The following TBC1D1 variants were observed in gnomAD, a reference collection of about 807,000 sequenced individuals.
TBC1D1 encodes TBC1 domain family member 1.
A neutral mutation model predicts 125.6 loss-of-function variants in TBC1D1; 89 were observed. That is an observed-to-expected ratio of 0.71 (90% confidence interval 0.60 to 0.85). The LOEUF (loss-of-function observed/expected upper bound fraction) is 0.85, where lower values mean the gene tolerates loss of function less well. Ranked by LOEUF, TBC1D1 falls within the 40% of genes least tolerant of loss-of-function variation. TBC1D1 has a pLI of 0.00. For missense variants in TBC1D1, 1,377 were observed against 1,469.2 expected (o/e 0.94, Z 1.03); for synonymous variants, 565 against 564.1 (o/e 1.00, Z -0.02).
chr4:37,921,473 C>G (rs1172672701), intron 2 of TBC1D1, among the ~76,000 whole-genome samples: 1 of 150,956 alleles, frequency 6.6e-6, no homozygotes, highest in Non-Finnish European at 1.5e-5. Context: ...GTGGCGTGAT[C>G]TCGGCTCACT....
intron 11 of TBC1D1, among the ~76,000 whole-genome samples, 153 bp downstream of exon 11, chr4:38,050,051 C>T (rs546333168): frequency 3.5e-4 from 53 of 152,260 alleles, no homozygotes; most frequent in Admixed American, 2.0e-3. Flanking sequence ...CATGTTCGTT[C>T]GAGCTGCTTG....
intron 2 of TBC1D1, among the ~76,000 whole-genome samples, chr4:37,969,885 C>T (rs1477627674): frequency 6.6e-6 from 1 of 152,182 alleles, no homozygotes; most frequent in Non-Finnish European, 1.5e-5. Flanking sequence ...ACCCTGCACC[C>T]ATTAGCAGTC....
chr4:38,020,813 T>A (rs1284035098), intron 5 of TBC1D1, 118 bp downstream of exon 5: 9 of 777,948 alleles, frequency 1.2e-5, no homozygotes, highest in African/African-American at 1.7e-5. Flanking sequence ...TATTTGTCTT[T>A]AGTTATTTAC....
rs1351933256 is a variant in TBC1D1, at chr4:37,902,209, C to T, written c.114C>T (p.Pro38=). 2 of 1,614,106 alleles carry T rather than the reference C, an allele frequency of 1.2e-6. No homozygotes were observed. Among genetic ancestry groups the T allele is most frequent in the Admixed American group, 1.7e-5 (1 of 60,028 alleles). ...CTGTGCATTCCCTGACCACCATGCC[C>T]ATGCTGCCCTGGGTTGTGGCTGAGG... is the stretch of plus-strand genomic sequence containing the variant. The change falls in exon 2 of 20, where the codon CCC becomes CCT. Residue 38 remains proline (P), a synonymous_variant. Coordinates refer to ENST00000261439, the MANE Select transcript of TBC1D1 (RefSeq NM_015173.4).
intron 12 of TBC1D1, among the ~76,000 whole-genome samples, chr4:38,086,659 A>G (rs35558170): frequency 0.15 from 23,508 of 152,186 alleles, 1,943 homozygotes; most frequent in South Asian, 0.2. Flanking sequence ...CAGTATTTGA[A>G]CTGTGTTTTC....
intron 13 of TBC1D1, among the ~76,000 whole-genome samples, chr4:38,093,300 T>C (rs1560775134): frequency 6.6e-6 from 1 of 152,170 alleles, no homozygotes; most frequent in Non-Finnish European, 1.5e-5. Context: ...CTGACTTGAA[T>C]AGATGAATCA....
At chr4:38,077,193 A>G (rs1755745151) in intron 12 of TBC1D1, among the ~76,000 whole-genome samples, 1 of 152,248 alleles carries the variant, frequency 6.6e-6, no homozygotes, top group South Asian at 2.1e-4. Context: ...TATTTAACAT[A>G]CAACTATACT....
At chr4:38,074,979 T>C (rs1206246916) in intron 12 of TBC1D1, among the ~76,000 whole-genome samples, 1 of 152,166 alleles carries the variant, frequency 6.6e-6, no homozygotes, top group Non-Finnish European at 1.5e-5. Flanking sequence ...CAGACTAGTC[T>C]TGAACTCCTG....
chr4:38,126,230 T>C (rs1174970414), intron 18 of TBC1D1, among the ~76,000 whole-genome samples: 4 of 152,228 alleles, frequency 2.6e-5, no homozygotes, highest in Admixed American at 1.3e-4. Context: ...AATAAAAATA[T>C]GGTATTCTAA....
intron 2 of TBC1D1, among the ~76,000 whole-genome samples, chr4:37,957,136 A>G (rs1256578471): frequency 1.3e-5 from 2 of 152,196 alleles, no homozygotes; most frequent in Admixed American, 6.5e-5. Context: ...ATGGGAGAAC[A>G]TAAGCCCCTC....
rs763498761 is a variant in TBC1D1, at chr4:38,018,458, G to GT, written c.972+22dup. ...TTTGCTCTCAGGTAAATGGAGATGG[G>GT]TTTTTTTATTCAATTGCAATGGAAT... is the stretch of plus-strand genomic sequence containing the variant. On this transcript the variant is annotated intron_variant, in intron 4 of 19. Transcript: ENST00000261439. The GT allele has an allele frequency of 1.4e-4, 208 of 1,493,024 alleles. No homozygotes were observed. The highest frequency in any genetic ancestry group is 1.7e-4 in the Non-Finnish European group (190 of 1,089,326). 92.5% of individuals were successfully genotyped at this position (1,493,024 alleles called of 1,614,324 possible).
chr4:38,121,477 C>T (rs934401552), intron 17 of TBC1D1, among the ~76,000 whole-genome samples: 1 of 152,120 alleles, frequency 6.6e-6, no homozygotes, highest in Non-Finnish European at 1.5e-5. Context: ...TTCCTATTTC[C>T]TGCCGGATAA....
chr4:38,000,404 T>G (rs1738810741), intron 2 of TBC1D1, among the ~76,000 whole-genome samples: 1 of 152,234 alleles, frequency 6.6e-6, no homozygotes, highest in South Asian at 2.1e-4. Flanking sequence ...GCAAGTGTTG[T>G]AGATTTAGGG....
chr4:37,992,722 T>C (rs1736874957), intron 2 of TBC1D1, among the ~76,000 whole-genome samples: 1 of 151,758 alleles, frequency 6.6e-6, no homozygotes, highest in Non-Finnish European at 1.5e-5. Flanking sequence ...CTTGATCTCC[T>C]GACCTCGTGA....
intron 2 of TBC1D1, among the ~76,000 whole-genome samples, chr4:37,934,685 C>G (rs1724014194): frequency 6.6e-6 from 1 of 152,058 alleles, no homozygotes; most frequent in African/African-American, 2.4e-5. Flanking sequence ...AGGGAGAGAC[C>G]AGTGTAGGAG....
At chr4:38,067,348 A>C (rs180774756) in intron 12 of TBC1D1, among the ~76,000 whole-genome samples, 2 of 152,336 alleles carry the variant, frequency 1.3e-5, no homozygotes, top group African/African-American at 4.8e-5. Context: ...TTGCTGGAGA[A>C]TGTTCGATGA....
At chr4:38,096,693 A>G (rs1006475284) in intron 14 of TBC1D1, among the ~76,000 whole-genome samples, 6 of 152,232 alleles carry the variant, frequency 3.9e-5, no homozygotes, top group Non-Finnish European at 8.8e-5. Context: ...TTACTGGTCC[A>G]AGAAGAGATA....
intron 8 of TBC1D1, 41 bp downstream of exon 8, chr4:38,035,739 G>C (rs1747085860): frequency 7.0e-7 from 1 of 1,436,234 alleles, no homozygotes; most frequent in African/African-American, 1.4e-5. Flanking sequence ...CCAAGTCTCT[G>C]CCAAGTCTCT....
In TBC1D1 at chr4:38,014,421, G is replaced by A; in HGVS notation, c.418-88G>A. 1.5e-6 allele frequency: 2 copies of A among 1,341,052 alleles called. No homozygotes were observed. The highest frequency in any genetic ancestry group is 2.1e-6 in the Non-Finnish European group (2 of 959,130). 83.1% of individuals were successfully genotyped at this position (1,341,052 alleles called of 1,614,324 possible). A position where few individuals can be genotyped will look rare whatever the true frequency, so the allele number is the denominator to read the frequency against. ...AGTGCTCCGCAGTGGAGTAGCCAGC[G>A]GGGCGTCCCGAAAGAGCATGGTGCA... On this transcript the variant is annotated intron_variant, in intron 2 of 19. Transcript: ENST00000261439. This position sits in a 1 kb window ranked among gnomAD's most constrained non-coding sequence, Gnocchi z 5.1.
Sources: allele counts gnomAD v4.1 joint callset (sites outside exome capture counted in the v4.1 genomes callset), GRCh38; gene constraint gnomAD v4.1.1; non-coding constraint Gnocchi (gnomAD v3.1); transcripts MANE v1.5; gene names NCBI Gene and HGNC (gene_info 2026-07-23, HGNC 2026-07-21).